DIPK1A: variants seen among roughly 807,000 people sequenced by gnomAD.
The protein encoded by DIPK1A is family with sequence similarity 69 member A.
DIPK1A carries 27 observed loss-of-function variants against 40.8 expected under a neutral mutation model. The observed-to-expected ratio is 0.66, with a 90% CI of 0.49 to 0.91. DIPK1A has a LOEUF of 0.91. DIPK1A is among the 40% of genes least tolerant of loss of function. The probability of loss-of-function intolerance (pLI) is 0.00; values close to 1 mark genes in which losing one functional copy is unlikely to be tolerated. For synonymous variants in DIPK1A, 166 were observed against 171.3 expected (o/e 0.97, Z 0.24); for missense variants, 412 against 505.7 (o/e 0.81, Z 1.78).
intron 2 of DIPK1A, among the ~76,000 whole-genome samples, chr1:92,857,717 T>C (rs994069467): frequency 1.3e-5 from 2 of 152,174 alleles, no homozygotes; most frequent in African/African-American, 4.8e-5. Context: ...GGTATTACCA[T>C]TATCTCCATT....
At chr1:92,870,096 AC>A (rs1647762858) in intron 2 of DIPK1A, among the ~76,000 whole-genome samples, 1 of 152,078 alleles carries the variant, frequency 6.6e-6, no homozygotes, top group African/African-American at 2.4e-5. Context: ...ACACACACAC[AC>A]ACACACACAC....
At chr1:92,907,663 C>G (rs549758214) in intron 1 of DIPK1A, among the ~76,000 whole-genome samples, 5 of 152,040 alleles carry the variant, frequency 3.3e-5, no homozygotes, top group Admixed American at 2.0e-4. Flanking sequence ...TTGTCTTGAA[C>G]TCCCCTGGGC....
intron 1 of DIPK1A, among the ~76,000 whole-genome samples, chr1:92,956,750 C>T (rs1198327256): frequency 6.6e-6 from 1 of 152,158 alleles, no homozygotes; most frequent in Non-Finnish European, 1.5e-5. Flanking sequence ...AGCCAAAGTG[C>T]CAGGTATCAG....
intron 1 of DIPK1A, 52 bp downstream of exon 1, chr1:92,961,324 G>T: frequency 7.2e-7 from 1 of 1,388,910 alleles, no homozygotes; most frequent in Non-Finnish European, 9.7e-7. Flanking sequence ...GGCGCGGCAG[G>T]GCACACGGCC....
intron 1 of DIPK1A, among the ~76,000 whole-genome samples, chr1:92,892,797 A>T (rs1648957298): frequency 7.9e-6 from 1 of 125,998 alleles, no homozygotes; most frequent in African/African-American, 3.1e-5. Context: ...AATGCAGAGA[A>T]GTCCTTAAAG....
At chr1:92,880,199 G>C (rs1648304663) in intron 1 of DIPK1A, among the ~76,000 whole-genome samples, 1 of 152,166 alleles carries the variant, frequency 6.6e-6, no homozygotes. Flanking sequence ...GAAACTTACA[G>C]TTACACAATA....
chr1:92,939,875 C>G (rs545339746), intron 1 of DIPK1A, among the ~76,000 whole-genome samples: 1 of 152,146 alleles, frequency 6.6e-6, no homozygotes, highest in South Asian at 2.1e-4. Context: ...TCACTTGAAC[C>G]CGGGAGGAAG....
chr1:92,886,897 G>C (rs749224501), intron 1 of DIPK1A, among the ~76,000 whole-genome samples: 10 of 151,972 alleles, frequency 6.6e-5, no homozygotes, highest in Non-Finnish European at 1.3e-4. Flanking sequence ...CTGCTTTCAT[G>C]CTATAATGGC....
At chr1:92,869,323 G>A (rs2100762577) in intron 2 of DIPK1A, among the ~76,000 whole-genome samples, 1 of 151,982 alleles carries the variant, frequency 6.6e-6, no homozygotes, top group Admixed American at 6.6e-5. Context: ...ACCATGCCCA[G>A]CTAACTTTTT....
chr1:92,864,400 A>G (rs1350464767), intron 2 of DIPK1A, among the ~76,000 whole-genome samples: 1 of 152,184 alleles, frequency 6.6e-6, no homozygotes, highest in Non-Finnish European at 1.5e-5. Context: ...ATGTGCTCAT[A>G]TAATGGCCAC....
intron 2 of DIPK1A, among the ~76,000 whole-genome samples, chr1:92,863,400 G>A (rs1467376526): frequency 6.6e-6 from 1 of 152,102 alleles, no homozygotes; most frequent in African/African-American, 2.4e-5. Flanking sequence ...ATAAGAGAGT[G>A]TAGCATAAGA....
intron 1 of DIPK1A, chr1:92,877,155 T>C: frequency 3.0e-6 from 3 of 985,396 alleles, no homozygotes; most frequent in Non-Finnish European, 3.6e-6. Flanking sequence ...TGCATTGTTT[T>C]GTTTCCAGTG....
chr1:92,869,152 C>CTATTATTATTATTATTAT (rs10688368), intron 2 of DIPK1A, among the ~76,000 whole-genome samples: 128 of 146,302 alleles, frequency 8.7e-4, no homozygotes, highest in African/African-American at 3.1e-3. Context: ...AAATATTACA[C>CTATTATTATTATTATTAT]TATTATTATT....
chr1:92,838,963 T>G (rs1687229911), downstream of DIPK1A, among the ~76,000 whole-genome samples: 1 of 152,036 alleles, frequency 6.6e-6, no homozygotes, highest in Non-Finnish European at 1.5e-5. Context: ...TGAATAATTT[T>G]AGAGACCTGG....
In DIPK1A at chr1:92,876,307, T is replaced by C; in HGVS notation, c.178A>G (p.Lys60Glu). 1 of 1,547,408 alleles carries C rather than the reference T, an allele frequency of 6.5e-7. No homozygotes were observed. Among genetic ancestry groups the C allele is most frequent in the Non-Finnish European group, 8.7e-7 (1 of 1,144,024 alleles). The change falls in exon 2 of 5, where the codon AAG becomes GAG. Residue 60 changes from lysine to glutamate, a missense_variant. Lys to Glu is a moderately conservative substitution (Grantham distance 56). Transcript: ENST00000370310. ...TTTAAAATACTTACTATTATTTTCTTACAGTCCTTTCCTCTGCATAATTCT... is the reference window on the plus strand; with the variant it reads ...TTTAAAATACTTACTATTATTTTCTCACAGTCCTTTCCTCTGCATAATTCT... ...YTELCRGKDC[K>E]KIICDKYKTG...
chr1:92,895,085 G>T (rs1479942342), intron 1 of DIPK1A, among the ~76,000 whole-genome samples: 6 of 152,054 alleles, frequency 3.9e-5, no homozygotes, highest in Non-Finnish European at 8.8e-5. Context: ...ACAAGGAGGA[G>T]CTGGTACCAT....
intron 1 of DIPK1A, among the ~76,000 whole-genome samples, chr1:92,929,366 T>C (rs186953459): frequency 6.6e-6 from 1 of 152,346 alleles, no homozygotes; most frequent in East Asian, 1.9e-4. Context: ...TCCATTCTTT[T>C]AGCTTCCACG....
chr1:92,878,769 C>T (rs1478577525), intron 1 of DIPK1A, among the ~76,000 whole-genome samples: 1 of 151,880 alleles, frequency 6.6e-6, no homozygotes, highest in Non-Finnish European at 1.5e-5. Context: ...TGCAGTGAGC[C>T]GAGATCGCAC....
chr1:92,953,442 G>A lies in DIPK1A; in HGVS notation c.54+7934C>T, dbSNP rs116220545. 4.2e-3 allele frequency among the ~76,000 whole-genome samples: 642 copies of A among 152,238 alleles called. 3 individuals carry two copies. The highest frequency in any genetic ancestry group is 0.014 in the Middle Eastern group (4 of 294). On this transcript the variant is annotated intron_variant, in intron 1 of 4. Coordinates refer to ENST00000370310, the MANE Select transcript of DIPK1A (RefSeq NM_001006605.5). ...AAAATTGAAAGCAAGATCTCAAAGA[G>A]ATATTTGCACTCCCATGTTCATTGT...
Sources: allele counts gnomAD v4.1 joint callset (sites outside exome capture counted in the v4.1 genomes callset), GRCh38; gene constraint gnomAD v4.1.1; transcripts MANE v1.5; gene names NCBI Gene and HGNC (gene_info 2026-07-23, HGNC 2026-07-21).